C1orf185: variants seen among roughly 807,000 people sequenced by gnomAD.
C1orf185 encodes uncharacterized protein C1orf185.
In C1orf185, 13 loss-of-function variants were observed where a neutral mutation model predicts 16.1. The observed-to-expected ratio is 0.81, with a 90% CI of 0.53 to 1.28. The LOEUF (loss-of-function observed/expected upper bound fraction) is 1.28. Ranked by LOEUF, C1orf185 falls within the 50% of genes most tolerant of loss-of-function variation. The pLI, the probability that C1orf185 is intolerant of heterozygous loss-of-function variation, is 0.00. For missense variants in C1orf185, 220 were observed against 225.2 expected (o/e 0.98, Z 0.15); for synonymous variants, 80 against 76.9 (o/e 1.04, Z -0.21).
intron 1 of C1orf185, among the ~76,000 whole-genome samples, chr1:51,109,925 A>G (rs902204729): frequency 6.6e-6 from 1 of 152,074 alleles, no homozygotes; most frequent in African/African-American, 2.4e-5. Context: ...TTCTGTGAAG[A>G]ATTTCATTGT....
intron 3 of C1orf185, among the ~76,000 whole-genome samples, chr1:51,130,942 G>A (rs546648811): frequency 3.6e-4 from 55 of 151,992 alleles, no homozygotes; most frequent in South Asian, 1.0e-3. Context: ...CACTCTTGTC[G>A]CCCAGGCTGG....
chr1:51,109,166 A>G (rs767389768), intron 1 of C1orf185, among the ~76,000 whole-genome samples: 41 of 152,106 alleles, frequency 2.7e-4, no homozygotes, highest in Non-Finnish European at 5.0e-4. Context: ...CGTTTCCCTG[A>G]TGATAGTGAT....
At chr1:51,143,167 C>A (rs533465714) in intron 3 of C1orf185, among the ~76,000 whole-genome samples, 7 of 152,130 alleles carry the variant, frequency 4.6e-5, no homozygotes, top group Admixed American at 2.6e-4. Flanking sequence ...TTTACCCTTG[C>A]GATTAATAAA....
At chr1:51,114,695 C>T (rs1271011461) in intron 2 of C1orf185, among the ~76,000 whole-genome samples, 2 of 152,134 alleles carry the variant, frequency 1.3e-5, no homozygotes, top group African/African-American at 4.8e-5. Context: ...TGCACTCCAG[C>T]CTGGGTGACA....
At chr1:51,142,184 C>T (rs1031323385) in intron 3 of C1orf185, among the ~76,000 whole-genome samples, 1 of 152,000 alleles carries the variant, frequency 6.6e-6, no homozygotes, top group African/African-American at 2.4e-5. Flanking sequence ...GTCTATTATC[C>T]CAATCATGTC....
chr1:51,125,206 G>A lies in C1orf185; in HGVS notation c.258+6405G>A, dbSNP rs186505506. Among the ~76,000 whole-genome samples the A allele has an allele frequency of 3.4e-3, 518 of 152,284 alleles. 2 individuals are homozygous for A. The highest frequency in any genetic ancestry group is 0.012 in the African/African-American group (511 of 41,564). ...GGTTAAACAAGAAAAGGAATTAGAA[G>A]GAAGAGAAAAATTAATGCTCCAATG... On this transcript the variant is annotated intron_variant, in intron 3 of 4. Transcript: ENST00000371759.
intron 1 of C1orf185, among the ~76,000 whole-genome samples, chr1:51,111,370 C>T (rs76181795): frequency 9.6e-5 from 11 of 114,410 alleles, no homozygotes; most frequent in African/African-American, 1.8e-4. Flanking sequence ...AGCTTTCTTT[C>T]TTTCTTTTTT....
chr1:51,138,558 A>G (rs888911589), intron 3 of C1orf185, among the ~76,000 whole-genome samples: 4 of 152,004 alleles, frequency 2.6e-5, no homozygotes, highest in African/African-American at 9.7e-5. Context: ...ATGCCCAGCT[A>G]ATTTTTTGTA....
intron 1 of C1orf185, among the ~76,000 whole-genome samples, chr1:51,103,410 A>ACACACAC (rs1646046393): frequency 1.5e-4 from 19 of 128,890 alleles, no homozygotes; most frequent in African/African-American, 5.2e-4. Context: ...TGTCTCGAAA[A>ACACACAC]ACACACACAC....
intron 3 of C1orf185, among the ~76,000 whole-genome samples, chr1:51,144,633 G>T (rs992491001): frequency 6.6e-6 from 1 of 151,912 alleles, no homozygotes; most frequent in Non-Finnish European, 1.5e-5. Context: ...GGATCACTTG[G>T]GCCCCAGAAG....
intron 3 of C1orf185, among the ~76,000 whole-genome samples, chr1:51,122,022 T>G (rs1279025286): frequency 6.6e-6 from 1 of 152,180 alleles, no homozygotes; most frequent in East Asian, 1.9e-4. Context: ...TTTCATGTGT[T>G]TTAGACTCCA....
chr1:51,141,287 A>G (rs1268494062), intron 3 of C1orf185, among the ~76,000 whole-genome samples: 3 of 152,130 alleles, frequency 2.0e-5, no homozygotes, highest in Non-Finnish European at 4.4e-5. Flanking sequence ...CCCAAGAGTT[A>G]AAGACTAGCC....
intron 3 of C1orf185, among the ~76,000 whole-genome samples, chr1:51,128,446 C>T (rs1310979074): frequency 6.8e-6 from 1 of 146,386 alleles, no homozygotes. Context: ...AATCCCCGCA[C>T]TTTGGGAGGC....
intron 1 of C1orf185, among the ~76,000 whole-genome samples, chr1:51,109,836 C>T (rs1170980607): frequency 6.6e-6 from 1 of 151,524 alleles, no homozygotes; most frequent in Non-Finnish European, 1.5e-5. Flanking sequence ...ATACCTCCAA[C>T]TTTTTTTTTC....
At chr1:51,121,074 G>A (rs1055876148) in intron 3 of C1orf185, among the ~76,000 whole-genome samples, 15 of 152,106 alleles carry the variant, frequency 9.9e-5, no homozygotes, top group East Asian at 3.8e-4. Context: ...TAGTTAACAC[G>A]TGTGTTATCT....
intron 3 of C1orf185, among the ~76,000 whole-genome samples, chr1:51,136,576 A>C (rs1287585558): frequency 1.3e-5 from 2 of 152,140 alleles, no homozygotes; most frequent in Non-Finnish European, 2.9e-5. Flanking sequence ...ACGGAACAGA[A>C]TACAGAACCC....
chr1:51,133,119 G>A (rs114750754), intron 3 of C1orf185, among the ~76,000 whole-genome samples: 71 of 152,166 alleles, frequency 4.7e-4, no homozygotes, highest in African/African-American at 1.3e-3. Context: ...TGAAGTATAC[G>A]GACCAGTGAC....
At position 51,139,053 on chromosome 1, in the gene C1orf185, T is replaced by A. The variant is rs144013992; in HGVS notation, c.259-6671T>A. 3.6e-3 allele frequency among the ~76,000 whole-genome samples: 546 copies of A among 152,252 alleles called. 1 individual carries two copies. The highest frequency in any genetic ancestry group is 4.4e-3 in the Non-Finnish European group (300 of 68,002). ...TAATATTTTACTTACATTTTTTACA[T>A]GTCTGTAAATGAATGAAATCAGCCT... is the stretch of plus-strand genomic sequence containing the variant. On this transcript the variant is annotated intron_variant, in intron 3 of 4. Coordinates refer to ENST00000371759, the MANE Select transcript of C1orf185 (RefSeq NM_001136508.2).
intron 3 of C1orf185, among the ~76,000 whole-genome samples, chr1:51,139,337 A>G (rs1261814502): frequency 6.6e-6 from 1 of 152,132 alleles, no homozygotes; most frequent in Non-Finnish European, 1.5e-5. Flanking sequence ...TCCTGACCTC[A>G]GATGACCCTC....
Sources: gnomAD v4.1 joint callset for allele counts (sites outside exome capture counted in the v4.1 genomes callset) on GRCh38, gnomAD v4.1.1 for gene constraint, MANE v1.5 for transcripts, NCBI Gene and HGNC (gene_info 2026-07-23, HGNC 2026-07-21) for gene names.